Variants in LRP5 observed in about 807,000 individuals in gnomAD.
The protein encoded by LRP5 is low-density lipoprotein receptor-related protein 5.
A neutral mutation model predicts 154.1 loss-of-function variants in LRP5; 62 were observed. The ratio of observed to expected loss-of-function variants is 0.40; its 90% CI spans 0.33 to 0.50. The LOEUF (loss-of-function observed/expected upper bound fraction) is 0.50, where lower values mean the gene tolerates loss of function less well. LRP5 is among the 20% of genes least tolerant of loss of function. LRP5 has a pLI of 0.55. For synonymous variants in LRP5, 966 were observed against 1,011.5 expected, an observed-to-expected ratio of 0.96 and a Z score of 0.85; for missense variants, 1,915 against 2,336.7, an observed-to-expected ratio of 0.82 and a Z score of 3.72.
intron 1 of LRP5, among the ~76,000 whole-genome samples, chr11:68,316,136 T>C (rs1375826258): frequency 6.6e-6 from 1 of 152,166 alleles, no homozygotes; most frequent in East Asian, 1.9e-4. Context: ...ACCAGTCGAC[T>C]TTCTGCCTCT....
chr11:68,358,609 G>T (rs904751897), intron 3 of LRP5, among the ~76,000 whole-genome samples: 32 of 152,208 alleles, frequency 2.1e-4, no homozygotes, highest in African/African-American at 7.7e-4. Flanking sequence ...AGCTGTCTCA[G>T]TTATTGGTGC....
At chr11:68,389,683 C>T (rs529085821) in intron 6 of LRP5, among the ~76,000 whole-genome samples, 198 bp from the exon 7 acceptor site, 6 of 150,396 alleles carry the variant, frequency 4.0e-5, no homozygotes, top group East Asian at 2.0e-4. Context: ...TATTTACCAA[C>T]GCCAGCATCT....
At chr11:68,332,381 C>T (rs1250987898) in intron 1 of LRP5, among the ~76,000 whole-genome samples, 3 of 152,248 alleles carry the variant, frequency 2.0e-5, no homozygotes, top group East Asian at 1.9e-4. Context: ...TCGGCCCCAG[C>T]ACCCGGGCCT....
upstream of LRP5, among the ~76,000 whole-genome samples, chr11:68,308,277 C>T (rs147979151): frequency 1.4e-3 from 214 of 152,234 alleles, 2 homozygotes; most frequent in African/African-American, 5.0e-3. Flanking sequence ...TTGTGCCCAG[C>T]GTAACTTCAC....
intron 1 of LRP5, among the ~76,000 whole-genome samples, chr11:68,337,085 A>T (rs143513317): frequency 1.3e-5 from 2 of 152,234 alleles, no homozygotes; most frequent in Admixed American, 1.3e-4. Context: ...TGCGGAGCTG[A>T]CTGTAGAATG....
chr11:68,316,399 G>A (rs1353105498), intron 1 of LRP5, among the ~76,000 whole-genome samples: 1 of 152,060 alleles, frequency 6.6e-6, no homozygotes, highest in East Asian at 1.9e-4. Flanking sequence ...AGGCTCCCAA[G>A]TAGCTTGCAT....
intron 2 of LRP5, among the ~76,000 whole-genome samples, chr11:68,354,110 C>T (rs2098621065): frequency 1.3e-5 from 2 of 152,214 alleles, no homozygotes; most frequent in South Asian, 2.1e-4. Flanking sequence ...GAAACCCAAC[C>T]CCCTCTTTAA....
chr11:68,347,685 A>G (rs2098614306), intron 1 of LRP5, among the ~76,000 whole-genome samples, 162 bp from the exon 2 acceptor site: 1 of 152,214 alleles, frequency 6.6e-6, no homozygotes, highest in Non-Finnish European at 1.5e-5. Context: ...GGGGCTGCCC[A>G]GGCAACTTCC....
intron 10 of LRP5, 108 bp from the exon 11 acceptor site, chr11:68,411,328 G>C: frequency 8.1e-7 from 1 of 1,232,208 alleles, no homozygotes; most frequent in South Asian, 1.3e-5. Flanking sequence ...TCTCCAGGAC[G>C]GGGAGGGCTG....
At chr11:68,369,094 T>A (rs1273768211) in intron 5 of LRP5, among the ~76,000 whole-genome samples, 1 of 152,224 alleles carries the variant, frequency 6.6e-6, no homozygotes, top group South Asian at 2.1e-4. Flanking sequence ...TACCTCAGCC[T>A]CCTAAAGTTC....
At chr11:68,409,838 G>A (rs866601227) in intron 9 of LRP5, 76 bp from the exon 10 acceptor site, 98 of 1,192,914 alleles carry the variant, frequency 8.2e-5, no homozygotes, top group Admixed American at 4.0e-4. Flanking sequence ...CAAGAAGAGC[G>A]AAACTCCGTC....
chr11:68,412,988 C>T, intron 11 of LRP5: 1 of 178,940 alleles, frequency 5.6e-6, no homozygotes, highest in Non-Finnish European at 1.2e-5. Flanking sequence ...GGCAGTTGAA[C>T]CCCGTGTCCT....
rs974663629 is a variant in LRP5, at chr11:68,390,048, T to A, written c.1580T>A (p.Ile527Asn). Residue 527 changes from isoleucine to asparagine, a missense_variant, in exon 7 of 23, where the codon ATC (isoleucine) becomes AAC (asparagine). By Grantham distance (149) the Ile-to-Asn change is moderately radical. Transcript: ENST00000294304. ...LYWGDAKTDKIEVINVDGTKR... is the reference protein window; with the variant it reads ...LYWGDAKTDKNEVINVDGTKR... ...TGGGGAGACGCCAAGACAGACAAGATCGAGGTGAGGCTCCTGTGGACATGT... is the reference window on the plus strand; with the variant it reads ...TGGGGAGACGCCAAGACAGACAAGAACGAGGTGAGGCTCCTGTGGACATGT... The A allele has an allele frequency of 1.2e-6, 2 of 1,614,006 alleles. No homozygotes were observed. Among genetic ancestry groups the A allele is most frequent in the African/African-American group, 2.7e-5 (2 of 74,906 alleles).
At chr11:68,313,274 G>A (rs2098590100) in intron 1 of LRP5, among the ~76,000 whole-genome samples, 2 of 152,048 alleles carry the variant, frequency 1.3e-5, no homozygotes, top group South Asian at 4.1e-4. Flanking sequence ...CAGCGAGAAA[G>A]TTCTGAGCCC....
At chr11:68,364,766 C>G (rs766481940) in intron 4 of LRP5, among the ~76,000 whole-genome samples, 1 of 152,110 alleles carries the variant, frequency 6.6e-6, no homozygotes, top group Admixed American at 6.6e-5. Context: ...GCCAGCTGTT[C>G]CCAGAGCAGG....
chr11:68,354,852 C>T (rs1404182858), intron 2 of LRP5, among the ~76,000 whole-genome samples: 2 of 152,216 alleles, frequency 1.3e-5, no homozygotes, highest in African/African-American at 4.8e-5. Context: ...TCACTAGATG[C>T]ACAGGAGACA....
At chr11:68,405,026 A>G (rs1319912559) in intron 8 of LRP5, among the ~76,000 whole-genome samples, 2 of 151,404 alleles carry the variant, frequency 1.3e-5, no homozygotes, top group Non-Finnish European at 2.9e-5. Context: ...TGGGTGTGGT[A>G]TCACGCGCCT....
rs1442479957 is a variant in LRP5, at chr11:68,425,170, A to G, written c.3305A>G (p.Glu1102Gly). The G allele has an allele frequency of 3.1e-6, 5 of 1,613,586 alleles. No individual in the cohort carries two copies. Among genetic ancestry groups the G allele is most frequent in the Non-Finnish European group, 4.2e-6 (5 of 1,179,954 alleles). The stretch of plus-strand genomic sequence containing the variant: ...GAACGCGCAGCCCTGGACGGCACCG[A>G]GCGCGAGGTCCTCTTCACCACCGGC... The part of the protein sequence containing the change: ...KIERAALDGT[E>G]REVLFTTGLI... Residue 1102 changes from glutamate (E) to glycine (G), a missense_variant, in exon 15 of 23, where the codon GAG becomes GGG. Coordinates refer to ENST00000294304, the MANE Select transcript of LRP5 (RefSeq NM_002335.4).
At chr11:68,354,539 T>C (rs1320740532) in intron 2 of LRP5, among the ~76,000 whole-genome samples, 2 of 152,194 alleles carry the variant, frequency 1.3e-5, no homozygotes, top group Non-Finnish European at 2.9e-5. Flanking sequence ...TCCAGGCTCC[T>C]AGGGGTGGGG....
Sources: gnomAD v4.1 joint callset for allele counts (sites outside exome capture counted in the v4.1 genomes callset) on GRCh38, gnomAD v4.1.1 for gene constraint, MANE v1.5 for transcripts, NCBI Gene and HGNC (gene_info 2026-07-23, HGNC 2026-07-21) for gene names.